The following AHRR variants were observed in gnomAD, a reference collection of about 807,000 sequenced individuals.
AHRR encodes the protein aryl hydrocarbon receptor repressor, also known as ahR repressor.
A neutral mutation model predicts 44.0 loss-of-function variants in AHRR; 28 were observed. The observed-to-expected ratio is 0.64, with a 90% CI of 0.47 to 0.87. The LOEUF (loss-of-function observed/expected upper bound fraction) is 0.87. AHRR is among the 40% of genes least tolerant of loss of function. AHRR has a pLI of 0.00. For missense variants in AHRR, 990 were observed against 953.9 expected, an observed-to-expected ratio of 1.04 and a Z score of -0.50; for synonymous variants, 434 against 407.0, an observed-to-expected ratio of 1.07 and a Z score of -0.80.
At chr5:371,713 G>A (rs1560895858) in intron 3 of AHRR, among the ~76,000 whole-genome samples, 1 of 152,210 alleles carries the variant, frequency 6.6e-6, no homozygotes. Flanking sequence ...TCCCGTGGTC[G>A]CTGTTGAAGC....
intron 4 of AHRR, among the ~76,000 whole-genome samples, chr5:397,700 G>A (rs1260844415): frequency 4.8e-5 from 6 of 124,668 alleles, no homozygotes; most frequent in Non-Finnish European, 6.5e-5. Context: ...GACCATCCAC[G>A]TAGCCCCTGA....
At chr5:431,269 G>A (rs1579714529) in intron 8 of AHRR, among the ~76,000 whole-genome samples, 1 of 152,346 alleles carries the variant, frequency 6.6e-6, no homozygotes, top group Admixed American at 6.5e-5. Context: ...CGGCCTGGAC[G>A]AGACCCCCTG....
intron 3 of AHRR, among the ~76,000 whole-genome samples, chr5:369,619 G>A (rs1171662069): frequency 2.0e-5 from 3 of 152,234 alleles, no homozygotes; most frequent in Non-Finnish European, 4.4e-5. Context: ...ACTGGGGAGA[G>A]CTGTGCTTGT....
chr5:356,134 T>G (rs373886542), intron 3 of AHRR, among the ~76,000 whole-genome samples: 1 of 152,190 alleles, frequency 6.6e-6, no homozygotes. Flanking sequence ...ATGTGACTGT[T>G]AAGGTCGGGA....
At chr5:424,474 A>G (rs1736296369) in intron 7 of AHRR, among the ~76,000 whole-genome samples, 1 of 150,272 alleles carries the variant, frequency 6.7e-6, no homozygotes. Context: ...TGGGTGGGAG[A>G]GGGCTGGGCA....
chr5:330,347 G>C (rs1474599964), intron 1 of AHRR, among the ~76,000 whole-genome samples: 1 of 152,030 alleles, frequency 6.6e-6, no homozygotes, highest in Non-Finnish European at 1.5e-5. Flanking sequence ...CTTTCTGATG[G>C]GCTGTTGGAT....
At position 435,708 on chromosome 5, in the gene AHRR, GAC is replaced by G. The variant is rs1560928615; in HGVS notation, c.*878_*879del. On this transcript the variant is annotated 3_prime_UTR_variant, in exon 11 of 11. Coordinates refer to ENST00000684583, the MANE Select transcript of AHRR (RefSeq NM_001377236.1). ...AGAGAAACACACAACGTAGAGAGAA[GAC>G]ACAGGAAACTGCGCTGCCTGTGGGG... 1 of 152,338 alleles carries G rather than the reference GAC, an allele frequency of 6.6e-6. No individual in the cohort carries two copies. The highest frequency in any genetic ancestry group is 1.5e-5 in the Non-Finnish European group (1 of 68,044). 9.4% of individuals were successfully genotyped at this position (152,338 alleles called of 1,614,324 possible).
At chr5:376,578 G>C (rs757630557) in intron 3 of AHRR, 32 bp from the exon 4 acceptor site, 3 of 259,362 alleles carry the variant, frequency 1.2e-5, no homozygotes, top group Non-Finnish European at 1.7e-5. Flanking sequence ...CAAGGGTTGG[G>C]GGTGCCTAAT....
chr5:402,659 A>C (rs1164549184), intron 4 of AHRR, among the ~76,000 whole-genome samples: 1 of 151,900 alleles, frequency 6.6e-6, no homozygotes, highest in Admixed American at 6.6e-5. Context: ...GCAACGCAGC[A>C]GCCCCCCTGC....
At chr5:348,702 G>A (rs1382343431) in intron 2 of AHRR, among the ~76,000 whole-genome samples, 1 of 152,218 alleles carries the variant, frequency 6.6e-6, no homozygotes, top group South Asian at 2.1e-4. Flanking sequence ...TTATTGCTGC[G>A]AAATGTTCTG....
chr5:363,861 C>T (rs1396890816), intron 3 of AHRR, among the ~76,000 whole-genome samples: 1 of 152,248 alleles, frequency 6.6e-6, no homozygotes, highest in East Asian at 1.9e-4. Flanking sequence ...TCATCTTCAA[C>T]ACCTCCTCTA....
At chr5:368,279 C>T (rs538885826) in intron 3 of AHRR, among the ~76,000 whole-genome samples, 1 of 152,256 alleles carries the variant, frequency 6.6e-6, no homozygotes, top group East Asian at 1.9e-4. Context: ...GGGCGTGCAC[C>T]GCGCACTGTA....
At chr5:333,293 T>G (rs185897181) in intron 1 of AHRR, among the ~76,000 whole-genome samples, 1 of 152,282 alleles carries the variant, frequency 6.6e-6, no homozygotes, top group African/African-American at 2.4e-5. Flanking sequence ...TGCCAATCAG[T>G]GTCTTTAAAG....
rs1399106489 is a variant in AHRR, at chr5:376,665, C to T, written c.300C>T (p.Asp100=). 6.4e-7 allele frequency: 1 copy of T among 1,556,998 alleles called. No individual in the cohort carries two copies. The highest frequency in any genetic ancestry group is 1.1e-5 in the South Asian group (1 of 88,448). The change falls in exon 4 of 11, where the codon GAC becomes GAT. Residue 100 remains aspartate, a synonymous_variant. Coordinates refer to ENST00000684583, the MANE Select transcript of AHRR (RefSeq NM_001377236.1). ...QPAAGAPSPG[D]SCPLAGSAVL... ...CGGCCGGCGCCCCCTCGCCCGGAGA[C>T]AGCTGTCCTCTTGCAGGGTCTGCCG...
chr5:374,592 C>CA (rs1034757131), intron 3 of AHRR, among the ~76,000 whole-genome samples: 23 of 152,180 alleles, frequency 1.5e-4, no homozygotes, highest in Non-Finnish European at 2.1e-4. Flanking sequence ...GTGCAGTGAA[C>CA]AAACATCCAG....
At chr5:376,552 A>ACGCGGGGAAACACAGGAAAGATGGGAAT in intron 3 of AHRR, 58 bp from the exon 4 acceptor site, 1 of 1,409,246 alleles carries the variant, frequency 7.1e-7, no homozygotes. Flanking sequence ...ATGTGAATGA[A>ACGCGGGGAAACACAGGAAAGATGGGAAT]GAAGAGTGGC....
chr5:388,493 C>T lies in AHRR; in HGVS notation c.351+11777C>T, dbSNP rs1734263046. Among the ~76,000 whole-genome samples the T allele has an allele frequency of 6.6e-6, 1 of 152,198 alleles. No homozygotes were observed. The highest frequency in any genetic ancestry group is 6.5e-5 in the Admixed American group (1 of 15,286). The stretch of plus-strand genomic sequence containing the variant: ...GAGGGAGCCGGGGTCCCCACTGCTG[C>T]TTTTCTCCCAGGGGGAGCCTGGAGG... On this transcript the variant is annotated intron_variant, in intron 4 of 10. Transcript: ENST00000684583. The surrounding 1 kb of genome is among the most constrained non-coding windows in gnomAD (Gnocchi z 5.2).
rs1414325752 is a variant in AHRR, at chr5:370,797, T to C, written c.245-5813T>C. Among the ~76,000 whole-genome samples the C allele has an allele frequency of 3.3e-5, 5 of 152,044 alleles. No individual in the cohort carries two copies. The highest frequency in any genetic ancestry group is 3.3e-4 in the Admixed American group (5 of 15,276). Reference sequence around the variant, plus strand: ...GGAGGGGGGCACGTTCCCATCATGCTTGTCCGACCTCCCTGGGTGGCTGGA... The same window carrying C: ...GGAGGGGGGCACGTTCCCATCATGCCTGTCCGACCTCCCTGGGTGGCTGGA... On this transcript the variant is annotated intron_variant, in intron 3 of 10. Coordinates refer to ENST00000684583, the MANE Select transcript of AHRR (RefSeq NM_001377236.1). This position sits in a 1 kb window ranked among gnomAD's most constrained non-coding sequence, Gnocchi z 4.5.
chr5:432,767 C>T lies in AHRR; in HGVS notation c.971-39C>T, dbSNP rs75031067. On this transcript the variant is annotated intron_variant, in intron 9 of 10. Coordinates refer to ENST00000684583, the MANE Select transcript of AHRR (RefSeq NM_001377236.1). ...ACCGTCTTCCAGGAGCTCCTCAGCT[C>T]GCACCGTGACGGCTTCCCCCCCCTC... 1.8e-3 allele frequency: 2,977 copies of T among 1,613,074 alleles called. 29 individuals are homozygous for T. The African/African-American group carries it at 0.023, about 13-fold the overall frequency.
Sources: allele counts gnomAD v4.1 joint callset (sites outside exome capture counted in the v4.1 genomes callset), GRCh38; gene constraint gnomAD v4.1.1; non-coding constraint Gnocchi (gnomAD v3.1); transcripts MANE v1.5; gene names NCBI Gene and HGNC (gene_info 2026-07-23, HGNC 2026-07-21).